Variants in ARHGAP25 observed in about 807,000 individuals in gnomAD.
The protein encoded by ARHGAP25 is rho GTPase-activating protein 25.
In ARHGAP25, 34 loss-of-function variants were observed where a neutral mutation model predicts 71.0. The observed-to-expected ratio is 0.48, with a 90% CI of 0.36 to 0.64. The LOEUF (loss-of-function observed/expected upper bound fraction) is 0.64. Ranked by LOEUF, ARHGAP25 falls within the 30% of genes least tolerant of loss-of-function variation. The pLI, the probability that ARHGAP25 is intolerant of heterozygous loss-of-function variation, is 0.00. For missense variants in ARHGAP25, 706 were observed against 805.1 expected, an observed-to-expected ratio of 0.88 and a Z score of 1.49; for synonymous variants, 282 against 296.5, an observed-to-expected ratio of 0.95 and a Z score of 0.50.
At chr2:68,758,218 A>G (rs1043496017) in intron 1 of ARHGAP25, among the ~76,000 whole-genome samples, 1 of 152,034 alleles carries the variant, frequency 6.6e-6, no homozygotes, top group Non-Finnish European at 1.5e-5. Context: ...GCTGTAAGGT[A>G]TGTAGAAAAT....
chr2:68,762,374 G>A (rs891798170), intron 1 of ARHGAP25, among the ~76,000 whole-genome samples: 1 of 152,082 alleles, frequency 6.6e-6, no homozygotes, highest in African/African-American at 2.4e-5. Context: ...AAATAAGATA[G>A]TAAATTTTAT....
At chr2:68,743,680 C>T (rs1189748137) in intron 1 of ARHGAP25, among the ~76,000 whole-genome samples, 1 of 152,114 alleles carries the variant, frequency 6.6e-6, no homozygotes, top group East Asian at 1.9e-4. Flanking sequence ...ATTCTCAGCC[C>T]AGCCCTTGTG....
intron 1 of ARHGAP25, among the ~76,000 whole-genome samples, chr2:68,756,799 G>A (rs1676507387): frequency 6.6e-6 from 1 of 152,012 alleles, no homozygotes; most frequent in African/African-American, 2.4e-5. Flanking sequence ...CCACTCAAAG[G>A]GGAAAACAAA....
chr2:68,794,526 T>C (rs1229705306), intron 4 of ARHGAP25, among the ~76,000 whole-genome samples: 1 of 152,204 alleles, frequency 6.6e-6, no homozygotes, highest in Non-Finnish European at 1.5e-5. Flanking sequence ...GTTGAGATGA[T>C]CATATGGCTT....
At chr2:68,808,911 G>T (rs1303137614) in intron 5 of ARHGAP25, among the ~76,000 whole-genome samples, 4 of 152,148 alleles carry the variant, frequency 2.6e-5, no homozygotes, top group African/African-American at 9.7e-5. Flanking sequence ...TGAAATATTT[G>T]AGGCTGGAAG....
At chr2:68,793,009 T>C (rs888735825) in intron 4 of ARHGAP25, among the ~76,000 whole-genome samples, 5 of 152,224 alleles carry the variant, frequency 3.3e-5, no homozygotes, top group Admixed American at 3.3e-4. Flanking sequence ...TTTATTTGCA[T>C]TTCTCTGATG....
At chr2:68,799,829 C>A (rs941315688) in intron 4 of ARHGAP25, among the ~76,000 whole-genome samples, 5 of 152,250 alleles carry the variant, frequency 3.3e-5, no homozygotes, top group African/African-American at 1.2e-4. Context: ...GCAGTATTTG[C>A]AAGCATGTGC....
intron 5 of ARHGAP25, among the ~76,000 whole-genome samples, chr2:68,809,652 C>T (rs1248912210): frequency 2.0e-5 from 3 of 151,986 alleles, no homozygotes; most frequent in African/African-American, 7.3e-5. Flanking sequence ...TTTTCTGCCT[C>T]CTATAAAAGG....
chr2:68,805,435 A>T (rs140090565), intron 4 of ARHGAP25, among the ~76,000 whole-genome samples: 62 of 152,202 alleles, frequency 4.1e-4, no homozygotes, highest in African/African-American at 1.3e-3. Context: ...TCTAGATTCC[A>T]CACTCTCACC....
intron 2 of ARHGAP25, among the ~76,000 whole-genome samples, chr2:68,712,673 G>T (rs1162091353): frequency 6.6e-6 from 1 of 152,108 alleles, no homozygotes; most frequent in Non-Finnish European, 1.5e-5. Flanking sequence ...TCCATCTTGA[G>T]TTAACTTTTG....
chr2:68,713,182 C>T (rs570515921), intron 2 of ARHGAP25, among the ~76,000 whole-genome samples: 11 of 152,270 alleles, frequency 7.2e-5, no homozygotes, highest in African/African-American at 2.2e-4. Flanking sequence ...TCTTTTATTT[C>T]CTTGAGCAGT....
intron 4 of ARHGAP25, among the ~76,000 whole-genome samples, chr2:68,796,392 C>A (rs1420599781): frequency 1.3e-5 from 2 of 152,106 alleles, no homozygotes; most frequent in African/African-American, 4.8e-5. Flanking sequence ...TTGAGGGTGT[C>A]ATATTACATT....
At chr2:68,755,933 A>G (rs1338658352) in intron 1 of ARHGAP25, among the ~76,000 whole-genome samples, 1 of 152,248 alleles carries the variant, frequency 6.6e-6, no homozygotes, top group Non-Finnish European at 1.5e-5. Context: ...TGTTTGATGA[A>G]TCTCTATTTG....
At chr2:68,816,428 G>A (rs919226594) in intron 7 of ARHGAP25, 66 bp downstream of exon 7, 3 of 1,322,082 alleles carry the variant, frequency 2.3e-6, no homozygotes, top group Non-Finnish European at 3.3e-6. Context: ...CTAGTTAGAA[G>A]AGGAGGGACC....
chr2:68,820,954 T>G (rs1327131813), intron 9 of ARHGAP25, among the ~76,000 whole-genome samples: 3 of 152,194 alleles, frequency 2.0e-5, no homozygotes, highest in African/African-American at 4.8e-5. Flanking sequence ...CAGTATATTC[T>G]GGAGACTTTT....
chr2:68,756,619 G>A lies in ARHGAP25; in HGVS notation c.62-18602G>A, dbSNP rs556020111. On this transcript the variant is annotated intron_variant, in intron 1 of 10. Coordinates refer to ENST00000409202, the MANE Select transcript of ARHGAP25 (RefSeq NM_001007231.3). ...ACCTAAGAAGACTCTTAAGTGTGCA[G>A]TTCAGGCTGATCCTTGGCAACCTAC... Among the ~76,000 whole-genome samples, 13 of 152,306 alleles carry A rather than the reference G, an allele frequency of 8.5e-5. No individual in the cohort carries two copies. The South Asian group carries it at 2.5e-3, about 29-fold the overall frequency.
chr2:68,727,847 G>T (rs1399759936), intron 2 of ARHGAP25, among the ~76,000 whole-genome samples: 3 of 152,250 alleles, frequency 2.0e-5, no homozygotes, highest in Non-Finnish European at 1.5e-5. Context: ...GATGGAGAAG[G>T]AGAGGGAGAG....
chr2:68,742,116 G>A (rs753532846), intron 1 of ARHGAP25, among the ~76,000 whole-genome samples: 1 of 151,998 alleles, frequency 6.6e-6, no homozygotes, highest in Non-Finnish European at 1.5e-5. Flanking sequence ...TCCTTTCCAC[G>A]CCGTACTATC....
chr2:68,727,188 C>T (rs1006521988), intron 2 of ARHGAP25, among the ~76,000 whole-genome samples: 1 of 152,118 alleles, frequency 6.6e-6, no homozygotes, highest in African/African-American at 2.4e-5. Context: ...AACACGGGGG[C>T]CCACGTTCAA....
Sources: gnomAD v4.1 joint callset for allele counts (sites outside exome capture counted in the v4.1 genomes callset) on GRCh38, gnomAD v4.1.1 for gene constraint, MANE v1.5 for transcripts, NCBI Gene and HGNC (gene_info 2026-07-23, HGNC 2026-07-21) for gene names.